L3MBTL4: variants seen among roughly 807,000 people sequenced by gnomAD.
L3MBTL4 encodes the protein L3MBTL histone methyl-lysine binding protein 4.
A neutral mutation model predicts 84.5 loss-of-function variants in L3MBTL4; 70 were observed. The ratio of observed to expected loss-of-function variants is 0.83; its 90% confidence interval spans 0.68 to 1.01. The LOEUF is 1.01. Ranked by LOEUF, L3MBTL4 falls within the 50% of genes least tolerant of loss-of-function variation. L3MBTL4 has a pLI of 0.00. For missense variants in L3MBTL4, 715 were observed against 754.8 expected (o/e 0.95, Z 0.62); for synonymous variants, 274 against 259.8 (o/e 1.05, Z -0.52).
chr18:6,267,162 T>A (rs947177086), intron 4 of L3MBTL4, among the ~76,000 whole-genome samples: 6 of 152,114 alleles, frequency 3.9e-5, no homozygotes, highest in African/African-American at 1.2e-4. Context: ...AAGAAAAACA[T>A]CATATCAATT....
intron 4 of L3MBTL4, among the ~76,000 whole-genome samples, chr18:6,299,561 G>C (rs565168653): frequency 3.9e-5 from 6 of 152,348 alleles, no homozygotes; most frequent in African/African-American, 1.4e-4. Context: ...ACGGGCTTCA[G>C]TATCAGTCGC....
intron 11 of L3MBTL4, among the ~76,000 whole-genome samples, chr18:6,214,143 GTCATTTCA>G (rs1391562193): frequency 6.6e-6 from 1 of 152,174 alleles, no homozygotes; most frequent in Non-Finnish European, 1.5e-5. Context: ...CTATGCTTTT[GTCATTTCA>G]TCTGTAACAA....
intron 17 of L3MBTL4, among the ~76,000 whole-genome samples, chr18:5,963,707 A>G (rs969217263): frequency 6.6e-6 from 1 of 152,254 alleles, no homozygotes; most frequent in Non-Finnish European, 1.5e-5. Context: ...TACTTCCCCT[A>G]CAAATAAATT....
chr18:5,973,112 T>C (rs1598327154), intron 16 of L3MBTL4, among the ~76,000 whole-genome samples: 2 of 152,346 alleles, frequency 1.3e-5, no homozygotes, highest in Middle Eastern at 3.4e-3. Context: ...TGATAGTGAA[T>C]GTGGGGACAT....
intron 16 of L3MBTL4, among the ~76,000 whole-genome samples, chr18:5,973,049 C>T (rs1004277817): frequency 3.9e-5 from 6 of 152,142 alleles, no homozygotes; most frequent in Admixed American, 3.3e-4. Context: ...GTGTTCAATA[C>T]ATGTCAGATA....
At chr18:6,165,802 A>G (rs1282077240) in intron 13 of L3MBTL4, among the ~76,000 whole-genome samples, 1 of 152,228 alleles carries the variant, frequency 6.6e-6, no homozygotes, top group East Asian at 1.9e-4. Flanking sequence ...CTAACATCAT[A>G]ATGACAGGAT....
At chr18:6,387,787 G>A (rs1439987216) in intron 1 of L3MBTL4, among the ~76,000 whole-genome samples, 1 of 152,246 alleles carries the variant, frequency 6.6e-6, no homozygotes, top group East Asian at 1.9e-4. Flanking sequence ...CCCTAATCGT[G>A]ATGAGTAGGG....
intron 16 of L3MBTL4, among the ~76,000 whole-genome samples, chr18:6,056,388 G>C (rs2057021904): frequency 6.6e-6 from 1 of 152,122 alleles, no homozygotes; most frequent in African/African-American, 2.4e-5. Context: ...ACTGCATCCT[G>C]AGCACACACA....
intron 16 of L3MBTL4, among the ~76,000 whole-genome samples, chr18:5,985,152 T>C (rs148890667): frequency 3.3e-5 from 5 of 152,110 alleles, no homozygotes; most frequent in African/African-American, 4.8e-5. Context: ...GCTAGCAAAC[T>C]AGTGAAGATA....
intron 16 of L3MBTL4, among the ~76,000 whole-genome samples, chr18:5,989,199 T>A (rs766668217): frequency 4.6e-5 from 7 of 152,230 alleles, no homozygotes; most frequent in Admixed American, 1.3e-4. Flanking sequence ...CTGCTTTCTA[T>A]GTGAAAACCT....
intron 1 of L3MBTL4, among the ~76,000 whole-genome samples, chr18:6,373,099 C>G (rs1363599926): frequency 6.6e-6 from 1 of 152,118 alleles, no homozygotes; most frequent in Non-Finnish European, 1.5e-5. Flanking sequence ...ACATGGTTCT[C>G]TCCCCCACAA....
At chr18:6,238,092 AG>A in intron 9 of L3MBTL4, 52 bp from the exon 10 acceptor site, 2 of 1,438,072 alleles carry the variant, frequency 1.4e-6, no homozygotes, top group Non-Finnish European at 2.0e-6. Context: ...TGCCAGAGAA[AG>A]AATTCAAGAG....
intron 3 of L3MBTL4, among the ~76,000 whole-genome samples, chr18:6,307,836 A>C (rs79534950): frequency 0.015 from 2,339 of 152,332 alleles, 50 homozygotes; most frequent in African/African-American, 0.054. Context: ...TTCAGTATCA[A>C]ATATTTTATA....
At chr18:6,322,152 T>C (rs1051689562) in intron 1 of L3MBTL4, among the ~76,000 whole-genome samples, 2 of 151,752 alleles carry the variant, frequency 1.3e-5, no homozygotes, top group Admixed American at 1.3e-4. Context: ...AACCTAGCAG[T>C]TCAAGACCAG....
intron 16 of L3MBTL4, among the ~76,000 whole-genome samples, chr18:6,077,129 G>A (rs1035836390): frequency 2.0e-5 from 3 of 152,132 alleles, no homozygotes; most frequent in East Asian, 1.9e-4. Flanking sequence ...AGGGGCTCGC[G>A]GTGTTGCCAA....
intron 16 of L3MBTL4, among the ~76,000 whole-genome samples, chr18:5,999,419 C>G (rs2054119888): frequency 2.0e-5 from 3 of 152,174 alleles, no homozygotes; most frequent in Admixed American, 2.0e-4. Flanking sequence ...TTTATGCCCC[C>G]ACCAAGGAAG....
chr18:6,282,632 G>A (rs1353776230), intron 4 of L3MBTL4, among the ~76,000 whole-genome samples: 4 of 152,116 alleles, frequency 2.6e-5, no homozygotes. Flanking sequence ...TAAGAATTTC[G>A]CCCACATCCT....
At chr18:5,999,040 G>T (rs957146278) in intron 16 of L3MBTL4, among the ~76,000 whole-genome samples, 1 of 152,124 alleles carries the variant, frequency 6.6e-6, no homozygotes, top group African/African-American at 2.4e-5. Context: ...GAGGATGAAG[G>T]AACACTCTTT....
chr18:5,987,074 G>T (rs1192642899), intron 16 of L3MBTL4, among the ~76,000 whole-genome samples: 1 of 152,198 alleles, frequency 6.6e-6, no homozygotes, highest in Non-Finnish European at 1.5e-5. Flanking sequence ...CTGCTTCGCT[G>T]ACCCTGAAGG....
Sources: gnomAD v4.1 joint callset for allele counts (sites outside exome capture counted in the v4.1 genomes callset) on GRCh38, gnomAD v4.1.1 for gene constraint, MANE v1.5 for transcripts, NCBI Gene and HGNC (gene_info 2026-07-23, HGNC 2026-07-21) for gene names.